Variants in AIRE observed in about 807,000 individuals in gnomAD.
AIRE encodes the protein autoimmune regulator, also known as autoimmune polyendocrinopathy candidiasis ectodermal dystrophy protein.
AIRE carries 52 observed loss-of-function variants against 62.1 expected under a neutral mutation model. The ratio of observed to expected loss-of-function variants is 0.84; its 90% CI spans 0.67 to 1.06. AIRE has a LOEUF of 1.06. Ranked by LOEUF, AIRE falls within the 50% of genes least tolerant of loss-of-function variation. The pLI is 0.00. For missense variants in AIRE, 774 were observed against 755.8 expected (o/e 1.02, Z -0.28); for synonymous variants, 342 against 321.6 (o/e 1.06, Z -0.68).
At chr21:44,290,895 G>C (rs866470102) in intron 7 of AIRE, 200 bp from the exon 8 acceptor site, 7 of 1,610,108 alleles carry the variant, frequency 4.3e-6, no homozygotes. Context: ...GCCCCGGGGG[G>C]TGTCTGTTGG....
At position 44,286,721 on chromosome 21, in the gene AIRE, C is replaced by T; in HGVS notation, c.297C>T (p.Ser99=). Residue 99 remains serine, a synonymous_variant, in exon 2 of 14, where the codon AGC becomes AGT. Transcript: ENST00000291582. The surrounding 1 kb of genome is among the most constrained non-coding windows in gnomAD (Gnocchi z 6.0). ...GCCGGCTGCAGCCCATCCTGGACAG[C>T]TTCCCCAAAGGTGGGTCCTGGTGGA... ...RYGRLQPILD[S]FPKDVDLSQP... is the part of the protein sequence containing the mutation. The T allele has an allele frequency of 3.1e-6, 5 of 1,612,946 alleles. No homozygotes were observed. Among genetic ancestry groups the T allele is most frequent in the Non-Finnish European group, 1.7e-6 (2 of 1,179,988 alleles).
At position 44,287,579 on chromosome 21, in the gene AIRE, C is replaced by T; in HGVS notation, c.526C>T (p.Pro176Ser). ...GAGCAGCGCAGAGCAGCAGCGCCTT[C>T]CACTCGGGAACGGTGAGCGGGGCCC... ...PESSAEQQRL[P>S]LGNGIQTMSA... Residue 176 changes from proline to serine, a missense_variant, in exon 4 of 14, where the codon CCA (proline) becomes TCA (serine). Pro to Ser is a moderately conservative substitution (Grantham distance 74). Coordinates refer to ENST00000291582, the MANE Select transcript of AIRE (RefSeq NM_000383.4). This position sits in a 1 kb window ranked among gnomAD's most constrained non-coding sequence, Gnocchi z 4.3. 1.3e-6 allele frequency: 2 copies of T among 1,556,984 alleles called. No individual in the cohort carries two copies. The highest frequency in any genetic ancestry group is 1.7e-6 in the Non-Finnish European group (2 of 1,150,366).
chr21:44,296,360 C>T (rs776936504), intron 12 of AIRE, 23 bp from the exon 13 acceptor site: 2 of 1,608,832 alleles, frequency 1.2e-6, no homozygotes, highest in Admixed American at 1.7e-5. Context: ...TTGGGCTGAC[C>T]TCTTCTCTTT....
chr21:44,291,246 C>T (rs1454244560), intron 8 of AIRE, 36 bp downstream of exon 8: 1 of 1,595,172 alleles, frequency 6.3e-7, no homozygotes, highest in Non-Finnish European at 8.5e-7. Flanking sequence ...ACCAGGCCAC[C>T]CCGGTTCACG....
In AIRE at chr21:44,292,406, G is replaced by T. The variant is rs1057522692; in HGVS notation, c.1095+5G>T. The T allele has an allele frequency of 6.5e-6, 10 of 1,546,624 alleles. No homozygotes were observed. Among genetic ancestry groups the T allele is most frequent in the Non-Finnish European group, 7.9e-6 (9 of 1,144,322 alleles). ...GAGCCACCCGTGGAGACCCCGGTAT[G>T]GCCACGCCCCCTCCTAGCCGGGCCA... On this transcript the variant is annotated splice_donor_5th_base_variant and intron_variant, in intron 9 of 13. Coordinates refer to ENST00000291582, the MANE Select transcript of AIRE (RefSeq NM_000383.4).
In AIRE at chr21:44,286,169, CAG is replaced by C; in HGVS notation, c.132+32_132+33del. 1.3e-6 allele frequency: 2 copies of C among 1,535,476 alleles called. No homozygotes were observed. Among genetic ancestry groups the C allele is most frequent in the African/African-American group, 1.4e-5 (1 of 72,748 alleles). On this transcript the variant is annotated intron_variant, in intron 1 of 13. Transcript: ENST00000291582. The surrounding 1 kb of genome is among the most constrained non-coding windows in gnomAD (Gnocchi z 6.0). ...CTCCCCGCCCGCCCCCCGCTGCCCC[CAG>C]GCCCTGTGAGCCAGGGATAGTCCCC...
chr21:44,297,857 A>G lies in AIRE; in HGVS notation c.*130A>G. 1.2e-6 allele frequency: 1 copy of G among 851,494 alleles called. No homozygotes were observed. Among genetic ancestry groups the G allele is most frequent in the Non-Finnish European group, 1.9e-6 (1 of 524,236 alleles). The allele number at this position is 851,494 out of a possible 1,614,324, so 52.7% of individuals were successfully genotyped here. ...CCACCTCTTGTCAGTGCTCGGCTGT[A>G]AACAGCTCTGTGTTTCTGGGGACAC... On this transcript the variant is annotated 3_prime_UTR_variant, in exon 14 of 14. Coordinates refer to ENST00000291582, the MANE Select transcript of AIRE (RefSeq NM_000383.4). This position sits in a 1 kb window ranked among gnomAD's most constrained non-coding sequence, Gnocchi z 4.8.
rs775304437 is a variant in AIRE at position 44,288,433 on chromosome 21, C to T, written c.627C>T (p.Ile209=). 15 of 1,609,866 alleles carry T rather than the reference C, an allele frequency of 9.3e-6. No individual in the cohort carries two copies. Among genetic ancestry groups the T allele is most frequent in the African/African-American group, 1.3e-5 (1 of 74,876 alleles). Residue 209 remains isoleucine (I), a synonymous_variant, in exon 5 of 14, where the codon ATC becomes ATT. Coordinates refer to ENST00000291582, the MANE Select transcript of AIRE (RefSeq NM_000383.4). Reference sequence around the variant, plus strand: ...GAGCCCGAGGGGCCGTGGAGGGGATCCTCATCCAGCAGGTGTTTGAGTCAG... The same window carrying T: ...GAGCCCGAGGGGCCGTGGAGGGGATTCTCATCCAGCAGGTGTTTGAGTCAG... ...VPGARGAVEG[I]LIQQVFESGG... is the part of the protein sequence containing the mutation.
At chr21:44,291,029 G>A (rs372011129) in intron 7 of AIRE, 66 bp from the exon 8 acceptor site, 1 of 1,613,420 alleles carries the variant, frequency 6.2e-7, no homozygotes, top group Non-Finnish European at 8.5e-7. Context: ...TTTTGGGAAG[G>A]AGGTGGCTCT....
In AIRE at chr21:44,287,394, C is replaced by T; in HGVS notation, c.464-123C>T. 1 of 748,026 alleles carries T rather than the reference C, an allele frequency of 1.3e-6. No homozygotes were observed. The highest frequency in any genetic ancestry group is 2.2e-6 in the Non-Finnish European group (1 of 444,530). 46.3% of individuals were successfully genotyped at this position (748,026 alleles called of 1,614,324 possible). ...CCTTTTACTGATGAGAAACCAGAGC[C>T]CGGCAAAGGGACTACCCAGCACTGG... On this transcript the variant is annotated intron_variant, in intron 3 of 13. Coordinates refer to ENST00000291582, the MANE Select transcript of AIRE (RefSeq NM_000383.4). The surrounding 1 kb of genome is among the most constrained non-coding windows in gnomAD (Gnocchi z 4.3).
rs1402478750 is a variant in AIRE at position 44,294,440 on chromosome 21, C to A, written c.1440C>A (p.Thr480=). The A allele has an allele frequency of 6.3e-7, 1 of 1,576,648 alleles. No homozygotes were observed. Among genetic ancestry groups the A allele is most frequent in the Non-Finnish European group, 8.6e-7 (1 of 1,169,028 alleles). The stretch of plus-strand genomic sequence containing the variant: ...GCAGATCCTGCTCAGGAGACGTGAC[C>A]CCAGCCCCTGTGGAGGGGGTGCTGG... ...LRCRSCSGDV[T]PAPVEGVLAP... is the part of the protein sequence containing the mutation. Residue 480 remains threonine, a synonymous_variant, in exon 12 of 14, where the codon ACC becomes ACA. Transcript: ENST00000291582.
intron 5 of AIRE, 22 bp downstream of exon 5, chr21:44,288,480 T>C: frequency 6.6e-7 from 1 of 1,517,810 alleles, no homozygotes; most frequent in Non-Finnish European, 9.1e-7. Context: ...GGCGGGGAGA[T>C]GGGGCTGATG....
chr21:44,293,829 G>T lies in AIRE; in HGVS notation c.1319G>T (p.Gly440Val). ...PGARCGVCGD[G>V]TDVLRCTHCA... ...GCGCGTTGCGGGGTGTGCGGAGATG[G>T]TACGGACGTGCTGCGGTGTACTCAC... is the stretch of plus-strand genomic sequence containing the variant. The change falls in exon 11 of 14, where the codon GGT (glycine) becomes GTT (valine). Residue 440 changes from glycine (G) to valine (V), a missense_variant. Physicochemically the swap from Gly to Val is moderately radical, Grantham distance 109. This residue lies in a region of AIRE where 354 missense variants were observed against 296.1 expected (regional missense o/e 1.20). Coordinates refer to ENST00000291582, the MANE Select transcript of AIRE (RefSeq NM_000383.4). 1 of 1,596,954 alleles carries T rather than the reference G, an allele frequency of 6.3e-7. No homozygotes were observed. The highest frequency in any genetic ancestry group is 8.5e-7 in the Non-Finnish European group (1 of 1,179,606).
In AIRE at chr21:44,293,843, C is replaced by T. The variant is rs921069738; in HGVS notation, c.1333C>T (p.Arg445Trp). The stretch of plus-strand genomic sequence containing the variant: ...GTGCGGAGATGGTACGGACGTGCTG[C>T]GGTGTACTCACTGCGCCGCTGCCTT... ...GVCGDGTDVL[R>W]CTHCAAAFHW... Residue 445 changes from arginine to tryptophan, a missense_variant, in exon 11 of 14, where the codon CGG becomes TGG. Arg to Trp is a moderately radical substitution (Grantham distance 101). Coordinates refer to ENST00000291582, the MANE Select transcript of AIRE (RefSeq NM_000383.4). The T allele has an allele frequency of 1.1e-5, 17 of 1,596,874 alleles. No homozygotes were observed. Among genetic ancestry groups the T allele is most frequent in the African/African-American group, 4.0e-5 (3 of 74,780 alleles).
At chr21:44,292,532 G>T in intron 9 of AIRE, 131 bp downstream of exon 9, 1 of 666,276 alleles carries the variant, frequency 1.5e-6, no homozygotes, top group Non-Finnish European at 2.7e-6. Flanking sequence ...CCCAGCCATA[G>T]CACTATGTCC....
rs1252679896 is a variant in AIRE at position 44,297,555 on chromosome 21, T to TA, written c.1567-100dup. 1.7e-6 allele frequency: 2 copies of TA among 1,151,492 alleles called. No homozygotes were observed. Among genetic ancestry groups the TA allele is most frequent in the Admixed American group, 3.6e-5 (2 of 55,094 alleles). The allele number at this position is 1,151,492 out of a possible 1,614,324, so 71.3% of individuals were successfully genotyped here. ...GGCCTCAGTTTCCCCACCTTTGACT[T>TA]AGAGGGAAGGTTGGATGGTGACTTC... On this transcript the variant is annotated intron_variant, in intron 13 of 13. Transcript: ENST00000291582. This position sits in a 1 kb window ranked among gnomAD's most constrained non-coding sequence, Gnocchi z 4.8.
rs747311138 is a variant in AIRE, at chr21:44,286,946, G to GTTGGGAACCTGCTCCTGCCCCTGAGC, written c.308-26_308-25insACCTGCTCCTGCCCCTGAGCTTGGGA. 2.5e-5 allele frequency: 41 copies of GTTGGGAACCTGCTCCTGCCCCTGAGC among 1,612,546 alleles called. No individual in the cohort carries two copies. The highest frequency in any genetic ancestry group is 3.3e-5 in the Non-Finnish European group (39 of 1,179,934). On this transcript the variant is annotated intron_variant, in intron 2 of 13. Coordinates refer to ENST00000291582, the MANE Select transcript of AIRE (RefSeq NM_000383.4). This position sits in a 1 kb window ranked among gnomAD's most constrained non-coding sequence, Gnocchi z 6.0. ...CCCTACCCCTGGAGAAAACCCTGAG[G>GTTGGGAACCTGCTCCTGCCCCTGAGC]TTGGGACCCTGCTCCTGCCCCTGAG... is the stretch of plus-strand genomic sequence containing the variant.
At chr21:44,294,542 G>T (rs1208570024) in intron 12 of AIRE, 39 bp downstream of exon 12, 1 of 1,218,010 alleles carries the variant, frequency 8.2e-7, no homozygotes, top group Non-Finnish European at 1.1e-6. Flanking sequence ...GCCGGTGCTG[G>T]GGGTGGGGAA....
rs1373642802 is a variant in AIRE, at chr21:44,297,275, CAGG to C, written c.1567-380_1567-378del. Among the ~76,000 whole-genome samples the C allele has an allele frequency of 3.3e-5, 5 of 152,352 alleles. No individual in the cohort carries two copies. The South Asian group carries it at 6.2e-4, about 19-fold the overall frequency. On this transcript the variant is annotated intron_variant, in intron 13 of 13. Transcript: ENST00000291582. The surrounding 1 kb of genome is among the most constrained non-coding windows in gnomAD (Gnocchi z 4.8). ...CCGTGGCCCCATCCTGTGGGAGCATCAGGCTCCTGAGCAGAATAAGTAGCTGGC... is the reference window on the plus strand; with the variant it reads ...CCGTGGCCCCATCCTGTGGGAGCATCCTCCTGAGCAGAATAAGTAGCTGGC...
Sources: gnomAD v4.1 joint callset for allele counts (sites outside exome capture counted in the v4.1 genomes callset) on GRCh38, gnomAD v4.1.1 for gene constraint, gnomAD v4.1.1 regional missense constraint, Gnocchi (gnomAD v3.1) non-coding constraint, MANE v1.5 for transcripts, NCBI Gene and HGNC (gene_info 2026-07-23, HGNC 2026-07-21) for gene names.